The following ARID4A variants were observed in gnomAD, a reference collection of about 807,000 sequenced individuals.
ARID4A encodes the protein AT-rich interaction domain 4A, also known as AT-rich interactive domain-containing protein 4A.
A neutral mutation model predicts 148.6 loss-of-function variants in ARID4A; 39 were observed. The observed-to-expected ratio is 0.26, with a 90% CI of 0.20 to 0.34. The LOEUF (loss-of-function observed/expected upper bound fraction) is 0.34. ARID4A is among the 10% of genes least tolerant of loss of function. ARID4A has a pLI of 1.00. For missense variants in ARID4A, 1,265 were observed against 1,449.1 expected (o/e 0.87, Z 2.06); for synonymous variants, 475 against 481.2 (o/e 0.99, Z 0.17).
intron 5 of ARID4A, among the ~76,000 whole-genome samples, chr14:58,307,577 T>C (rs2031702857): frequency 6.6e-6 from 1 of 152,144 alleles, no homozygotes; most frequent in Non-Finnish European, 1.5e-5. Context: ...CCCAGCACTT[T>C]AGGGGGGCGA....
Position 58,359,832 on chromosome 14 carries a change from T to C in ARID4A, c.1938+616T>C, listed in dbSNP as rs376352736. Among the ~76,000 whole-genome samples the C allele has an allele frequency of 5.3e-5, 8 of 152,228 alleles. 1 individual carries two copies. In the East Asian group the frequency reaches 5.8e-4, roughly 11 times the overall value. Reference sequence around the variant, plus strand: ...CTGTAATGCCAGCACTTTGGGAGGCTGAGGCGGGCGGATCACGAGGTCAGG... The same window carrying C: ...CTGTAATGCCAGCACTTTGGGAGGCCGAGGCGGGCGGATCACGAGGTCAGG... On this transcript the variant is annotated intron_variant, in intron 18 of 23. Transcript: ENST00000355431.
intron 5 of ARID4A, among the ~76,000 whole-genome samples, chr14:58,311,782 C>T (rs1454574520): frequency 3.3e-5 from 5 of 152,110 alleles, no homozygotes; most frequent in South Asian, 2.1e-4. Flanking sequence ...CCTGACATTT[C>T]TTACAACATG....
intron 11 of ARID4A, among the ~76,000 whole-genome samples, chr14:58,336,454 G>T (rs554608227): frequency 4.9e-4 from 74 of 152,204 alleles, no homozygotes; most frequent in African/African-American, 1.7e-3. Flanking sequence ...CTTACTATTT[G>T]TTTTGTTTGC....
At position 58,372,128 on chromosome 14, in the gene ARID4A, CTA is replaced by C; in HGVS notation, c.*141_*142del. On this transcript the variant is annotated 3_prime_UTR_variant, in exon 24 of 24. Transcript: ENST00000355431. ...TATACTTTTCCAGGCTGGATTGTATCTATTCCCCTCTCTCTTCTTTTTTCTTG... is the reference window on the plus strand; with the variant it reads ...TATACTTTTCCAGGCTGGATTGTATCTTCCCCTCTCTCTTCTTTTTTCTTG... The C allele has an allele frequency of 1.7e-6, 1 of 584,082 alleles. No homozygotes were observed. 36.2% of individuals were successfully genotyped at this position (584,082 alleles called of 1,614,324 possible).
intron 11 of ARID4A, among the ~76,000 whole-genome samples, chr14:58,341,699 C>A (rs2034125694): frequency 6.6e-6 from 1 of 152,042 alleles, no homozygotes; most frequent in Non-Finnish European, 1.5e-5. Context: ...TGCCTAAAGT[C>A]AAAAAATTCA....
At chr14:58,351,374 G>T (rs769880878) in intron 16 of ARID4A, 51 bp downstream of exon 16, 6 of 1,552,686 alleles carry the variant, frequency 3.9e-6, no homozygotes, top group Non-Finnish European at 5.2e-6. Context: ...GGGTACAACA[G>T]CGCTTTGTTC....
Position 58,334,056 on chromosome 14 carries a change from A to G in ARID4A, c.906+3887A>G, listed in dbSNP as rs941538177. Among the ~76,000 whole-genome samples, 73 of 152,296 alleles carry G rather than the reference A, an allele frequency of 4.8e-4. 2 individuals carry two copies. Among genetic ancestry groups the G allele is most frequent in the Admixed American group, 4.0e-3 (61 of 15,300 alleles). On this transcript the variant is annotated intron_variant, in intron 11 of 23. Transcript: ENST00000355431. ...ACAAAAATGCCCTTATGTATTTAGC[A>G]GAGTCTTTCTTCACAGTGTTAGTGT...
At chr14:58,321,024 T>C (rs1717205909) in intron 7 of ARID4A, among the ~76,000 whole-genome samples, 2 of 152,202 alleles carry the variant, frequency 1.3e-5, no homozygotes, top group Admixed American at 6.5e-5. Context: ...ATAAGTGATG[T>C]TGTGTCCTGA....
chr14:58,359,627 T>C (rs1195984897), intron 18 of ARID4A, among the ~76,000 whole-genome samples: 2 of 152,182 alleles, frequency 1.3e-5, no homozygotes, highest in African/African-American at 4.8e-5. Flanking sequence ...CCCTGACAAC[T>C]ACAGACTTTT....
intron 12 of ARID4A, 58 bp downstream of exon 12, chr14:58,344,825 G>C (rs1299013265): frequency 1.6e-6 from 2 of 1,240,922 alleles, no homozygotes; most frequent in Non-Finnish European, 2.3e-6. Flanking sequence ...TACATTCTAG[G>C]TATATGCATT....
At chr14:58,347,556 G>A in intron 14 of ARID4A, 91 bp from the exon 15 acceptor site, 1 of 1,030,120 alleles carries the variant, frequency 9.7e-7, no homozygotes, top group Non-Finnish European at 1.4e-6. Context: ...TAAATTACTG[G>A]GCTTTACTTT....
At chr14:58,355,224 T>C (rs1289746402) in intron 17 of ARID4A, among the ~76,000 whole-genome samples, 1 of 152,170 alleles carries the variant, frequency 6.6e-6, no homozygotes, top group Non-Finnish European at 1.5e-5. Context: ...AGATGTGTGC[T>C]CTGTTATAAC....
At chr14:58,305,247 A>C (rs1010443889) in intron 4 of ARID4A, among the ~76,000 whole-genome samples, 4 of 151,988 alleles carry the variant, frequency 2.6e-5, no homozygotes, top group Non-Finnish European at 4.4e-5. Context: ...TAAGTTTTTC[A>C]CCTACCTTTC....
rs767445520 is a variant in ARID4A at position 58,365,311 on chromosome 14, TC to T, written c.3211+12del. ...AGAGCAGAGAGAAGGGTAAGGACTT[TC>T]TAGGGAAAAGTAAGTGTTTATATGA... On this transcript the variant is annotated intron_variant, in intron 20 of 23. Transcript: ENST00000355431. 3.8e-6 allele frequency: 6 copies of T among 1,592,320 alleles called. No homozygotes were observed. Among genetic ancestry groups the T allele is most frequent in the Non-Finnish European group, 5.1e-6 (6 of 1,171,046 alleles).
chr14:58,327,567 A>C (rs1044658996), intron 8 of ARID4A, among the ~76,000 whole-genome samples: 1 of 152,168 alleles, frequency 6.6e-6, no homozygotes, highest in African/African-American at 2.4e-5. Context: ...ATTTTTAAAA[A>C]TTATATGCCA....
In ARID4A at chr14:58,347,125, G is replaced by A; in HGVS notation, c.1172+8G>A. On this transcript the variant is annotated splice_region_variant and intron_variant, in intron 14 of 23. Transcript: ENST00000355431. ...AAAAACTGCTTATAGAAAGTAAGTA[G>A]TATAGTTTATTCATCAAAGAATATA... 7.1e-7 allele frequency: 1 copy of A among 1,412,922 alleles called. No homozygotes were observed. Among genetic ancestry groups the A allele is most frequent in the Non-Finnish European group, 9.7e-7 (1 of 1,031,574 alleles). The allele number at this position is 1,412,922 out of a possible 1,614,324, so 87.5% of individuals were successfully genotyped here. A position where few individuals can be genotyped will look rare whatever the true frequency, so the allele number is the denominator to read the frequency against.
At chr14:58,331,370 T>C (rs2033509752) in intron 11 of ARID4A, 1 of 152,216 alleles carries the variant, frequency 6.6e-6, no homozygotes, top group African/African-American at 2.4e-5. Flanking sequence ...GAAGAGAATG[T>C]AAGTAGTGCT....
chr14:58,358,148 C>T (rs1316706190), intron 17 of ARID4A, among the ~76,000 whole-genome samples: 1 of 151,976 alleles, frequency 6.6e-6, no homozygotes, highest in African/African-American at 2.4e-5. Flanking sequence ...CCTCTGCACT[C>T]CATCCTGGGC....
chr14:58,316,676 G>A (rs546841860), intron 5 of ARID4A, among the ~76,000 whole-genome samples: 1 of 152,174 alleles, frequency 6.6e-6, no homozygotes, highest in South Asian at 2.1e-4. Flanking sequence ...TGCCTGCCGG[G>A]TTCAAGAGAT....
Sources: gnomAD v4.1 joint callset for allele counts (sites outside exome capture counted in the v4.1 genomes callset) on GRCh38, gnomAD v4.1.1 for gene constraint, MANE v1.5 for transcripts, NCBI Gene and HGNC (gene_info 2026-07-23, HGNC 2026-07-21) for gene names.